RAD9B: variants seen among roughly 807,000 people sequenced by gnomAD.
RAD9B encodes cell cycle checkpoint control protein RAD9B.
A neutral mutation model predicts 48.3 loss-of-function variants in RAD9B; 41 were observed. The ratio of observed to expected loss-of-function variants is 0.85; its 90% CI spans 0.66 to 1.10. The LOEUF (loss-of-function observed/expected upper bound fraction) is 1.10. RAD9B is among the 50% of genes least tolerant of loss of function. The pLI, the probability that RAD9B is intolerant of heterozygous loss-of-function variation, is 0.00. For synonymous variants in RAD9B, 160 were observed against 157.9 expected (o/e 1.01, Z -0.10); for missense variants, 444 against 485.1 (o/e 0.92, Z 0.80).
chr12:110,511,725 C>T (rs1187818698), intron 4 of RAD9B: 3 of 185,494 alleles, frequency 1.6e-5, no homozygotes, highest in Non-Finnish European at 3.5e-5. Context: ...AAAGAGAGGA[C>T]TTAAAATGTT....
chr12:110,520,948 T>A (rs925805850), intron 9 of RAD9B, among the ~76,000 whole-genome samples: 5 of 151,600 alleles, frequency 3.3e-5, no homozygotes, highest in African/African-American at 1.2e-4. Flanking sequence ...TGCGCCTGGC[T>A]TTTTTTTCTT....
At chr12:110,519,188 C>T (rs2063698023) in intron 8 of RAD9B, among the ~76,000 whole-genome samples, 1 of 152,156 alleles carries the variant, frequency 6.6e-6, no homozygotes, top group South Asian at 2.1e-4. Flanking sequence ...ACTGCAGGCT[C>T]TGCCTCCCGG....
In RAD9B at chr12:110,521,161, T is replaced by C. The variant is rs112816308; in HGVS notation, c.891-1016T>C. On this transcript the variant is annotated intron_variant, in intron 9 of 10. Coordinates refer to ENST00000409300, the MANE Select transcript of RAD9B (RefSeq NM_001286535.2). The stretch of plus-strand genomic sequence containing the variant: ...TGTATACTTGTATTTTCAAATTTTT[T>C]AAAAAAATTTTTTGAGACAGGGTCT... Among the ~76,000 whole-genome samples, 480 of 152,232 alleles carry C rather than the reference T, an allele frequency of 3.2e-3. 1 individual carries two copies. The highest frequency in any genetic ancestry group is 0.011 in the African/African-American group (447 of 41,534).
At chr12:110,520,024 A>G (rs1372201850) in intron 9 of RAD9B, 108 bp downstream of exon 9, 3 of 1,245,700 alleles carry the variant, frequency 2.4e-6, no homozygotes, top group Admixed American at 2.7e-5. Flanking sequence ...GTGAAATATT[A>G]GTTAACAAAT....
rs745786627 is a variant in RAD9B, at chr12:110,518,703, T to C, written c.623T>C (p.Met208Thr). The change falls in exon 7 of 11, where the codon ATG becomes ACG. Residue 208 changes from methionine to threonine, a missense_variant. Coordinates refer to ENST00000409300, the MANE Select transcript of RAD9B (RefSeq NM_001286535.2). The part of the protein sequence containing the change: ...MDLSNAVHSE[M>T]FVGSDEFDFF... Reference sequence around the variant, plus strand: ...TTGAGCAATGCTGTACACAGTGAGATGTTTGTTGGCTCAGATGAGTTTGAC... The same window carrying C: ...TTGAGCAATGCTGTACACAGTGAGACGTTTGTTGGCTCAGATGAGTTTGAC... 1.9e-6 allele frequency: 3 copies of C among 1,609,180 alleles called. No homozygotes were observed. In the East Asian group the frequency reaches 6.7e-5, roughly 36 times the overall value.
chr12:110,515,259 A>G lies in RAD9B; in HGVS notation c.595+103A>G. 2.5e-5 allele frequency: 16 copies of G among 647,300 alleles called. 2 individuals are homozygous for G. The East Asian group carries it at 4.6e-4, about 19-fold the overall frequency. 40.1% of individuals were successfully genotyped at this position (647,300 alleles called of 1,614,324 possible). A position where few individuals can be genotyped will look rare whatever the true frequency, so the allele number is the denominator to read the frequency against. ...TAGTGACATAATTTTATTCCTGTCTAAAAAGCAGTAAGATGTAGAAAGGTT... is the reference window on the plus strand; with the variant it reads ...TAGTGACATAATTTTATTCCTGTCTGAAAAGCAGTAAGATGTAGAAAGGTT... On this transcript the variant is annotated intron_variant, in intron 6 of 10. Transcript: ENST00000409300.
chr12:110,521,446 A>C (rs2063782157), intron 9 of RAD9B, among the ~76,000 whole-genome samples: 1 of 151,766 alleles, frequency 6.6e-6, no homozygotes, highest in Non-Finnish European at 1.5e-5. Context: ...GAGCCACTGC[A>C]CCCGGCCTAT....
In RAD9B at chr12:110,505,787, C is replaced by T. The variant is rs763392169; in HGVS notation, c.273+15C>T. On this transcript the variant is annotated intron_variant, in intron 3 of 10. Transcript: ENST00000409300. ...TGGGAATGAAGGTAAATATAAGTGG[C>T]CCTGGTTTTCTCTTATTCTGTAGAA... 6.2e-7 allele frequency: 1 copy of T among 1,605,314 alleles called. No homozygotes were observed. The highest frequency in any genetic ancestry group is 1.1e-5 in the South Asian group (1 of 90,070).
chr12:110,505,708 T>G lies in RAD9B; in HGVS notation c.209T>G (p.Leu70Ter). 1 of 1,608,286 alleles carries G rather than the reference T, an allele frequency of 6.2e-7. No homozygotes were observed. Among genetic ancestry groups the G allele is most frequent in the Non-Finnish European group, 8.5e-7 (1 of 1,177,002 alleles). ...VFFQHYQWSA[L>*]VKMSENELDT... ...TTTCAGCATTATCAATGGTCAGCTT[T>G]AGTGAAAATGAGTGAAAATGAACTT... The change falls in exon 3 of 11, where the codon TTA becomes TGA. Residue 70 changes from leucine (L) to a stop codon, truncating the protein, a stop_gained. Transcript: ENST00000409300. LOFTEE classifies it high-confidence loss of function.
At chr12:110,516,457 T>C (rs2135697484) in intron 6 of RAD9B, among the ~76,000 whole-genome samples, 1 of 152,256 alleles carries the variant, frequency 6.6e-6, no homozygotes, top group East Asian at 1.9e-4. Context: ...ATATTAGGAG[T>C]GACATGAGCC....
chr12:110,522,046 A>G (rs1162710318), intron 9 of RAD9B, 131 bp from the exon 10 acceptor site: 12 of 630,062 alleles, frequency 1.9e-5, no homozygotes, highest in Admixed American at 3.1e-5. Context: ...ACTTGCAACA[A>G]TTTAGTTCCA....
At chr12:110,502,594 T>C in intron 1 of RAD9B, 1 of 586,354 alleles carries the variant, frequency 1.7e-6, no homozygotes, top group Non-Finnish European at 3.0e-6. Flanking sequence ...AGATGTAATA[T>C]GGGTGGTATC....
intron 4 of RAD9B, among the ~76,000 whole-genome samples, chr12:110,510,379 A>G (rs2063423312): frequency 1.3e-5 from 2 of 152,050 alleles, no homozygotes; most frequent in Admixed American, 1.3e-4. Flanking sequence ...TCCCTTCAAT[A>G]CCTGGAGATG....
intron 10 of RAD9B, among the ~76,000 whole-genome samples, chr12:110,525,079 G>C (rs1241728338): frequency 6.6e-6 from 1 of 151,926 alleles, no homozygotes; most frequent in Non-Finnish European, 1.5e-5. Flanking sequence ...TCCACCTCCC[G>C]GGTTCAAGTG....
chr12:110,507,031 G>T (rs1256771033), intron 4 of RAD9B, among the ~76,000 whole-genome samples: 2 of 151,826 alleles, frequency 1.3e-5, no homozygotes, highest in Non-Finnish European at 2.9e-5. Context: ...GTAGAGACGG[G>T]GTTTCACCGT....
chr12:110,503,952 A>AGG (rs2063181998), intron 2 of RAD9B, 76 bp downstream of exon 2: 2 of 820,558 alleles, frequency 2.4e-6, no homozygotes. Context: ...ATTGAATGTT[A>AGG]ACTAGGAAAT....
chr12:110,513,880 T>C (rs546987351), intron 5 of RAD9B, among the ~76,000 whole-genome samples: 23 of 151,970 alleles, frequency 1.5e-4, no homozygotes, highest in African/African-American at 5.3e-4. Flanking sequence ...CAAGCCACCA[T>C]GCCTGGCTAA....
intron 2 of RAD9B, among the ~76,000 whole-genome samples, chr12:110,504,945 G>T (rs749083787): frequency 1.3e-5 from 2 of 151,992 alleles, no homozygotes; most frequent in Non-Finnish European, 2.9e-5. Context: ...TTTGGAGGCT[G>T]CAGTGAGCTG....
At chr12:110,530,338 C>T (rs1200638820) in intron 10 of RAD9B, among the ~76,000 whole-genome samples, 187 bp from the exon 11 acceptor site, 6 of 152,004 alleles carry the variant, frequency 3.9e-5, no homozygotes, top group African/African-American at 1.5e-4. Flanking sequence ...AGCCACCATG[C>T]GCGGCCAAGG....
Sources: gnomAD v4.1 joint callset for allele counts (sites outside exome capture counted in the v4.1 genomes callset) on GRCh38, gnomAD v4.1.1 for gene constraint, MANE v1.5 for transcripts, NCBI Gene and HGNC (gene_info 2026-07-23, HGNC 2026-07-21) for gene names.